Variants in KCND2 observed in about 807,000 individuals in gnomAD.
KCND2 encodes potassium voltage-gated channel subfamily D member 2, also known as A-type voltage-gated potassium channel KCND2.
Under a neutral mutation model 54.4 loss-of-function variants are expected in KCND2, and 16 were observed. That is an observed-to-expected ratio of 0.29 (90% confidence interval 0.20 to 0.45). The LOEUF is 0.45. Ranked by LOEUF, KCND2 falls within the 20% of genes least tolerant of loss-of-function variation. The pLI is 1.00. For missense variants in KCND2, 486 were observed against 824.2 expected (o/e 0.59, Z 5.02); for synonymous variants, 317 against 310.7 (o/e 1.02, Z -0.21).
chr7:120,398,838 G>A (rs1277952425), intron 1 of KCND2, among the ~76,000 whole-genome samples: 1 of 152,060 alleles, frequency 6.6e-6, no homozygotes, highest in Non-Finnish European at 1.5e-5. Flanking sequence ...TAAAGTAGAG[G>A]AGAAACTGGT....
intron 1 of KCND2, among the ~76,000 whole-genome samples, chr7:120,517,895 A>G (rs1310619615): frequency 6.6e-6 from 1 of 152,156 alleles, no homozygotes; most frequent in Non-Finnish European, 1.5e-5. Flanking sequence ...TGAATTTTAC[A>G]CTGGCATGTA....
At chr7:120,583,784 TGG>T (rs36108636) in intron 1 of KCND2, among the ~76,000 whole-genome samples, 5 of 142,684 alleles carry the variant, frequency 3.5e-5, no homozygotes, top group Non-Finnish European at 4.5e-5. Flanking sequence ...ATAGGAATTG[TGG>T]GGGGGGGGAC....
At chr7:120,741,423 G>C in intron 2 of KCND2, 111 bp from the exon 3 acceptor site, 2 of 757,740 alleles carry the variant, frequency 2.6e-6, no homozygotes, top group South Asian at 3.0e-5. Flanking sequence ...TGAAAAGCTG[G>C]CTTACTTTTA....
intron 1 of KCND2, among the ~76,000 whole-genome samples, chr7:120,494,090 G>C (rs1309865205): frequency 6.6e-6 from 1 of 151,994 alleles, no homozygotes; most frequent in Admixed American, 6.6e-5. Flanking sequence ...AATATATTAG[G>C]AAAATATGCA....
Position 120,275,523 on chromosome 7 carries a change from C to T in KCND2, c.891C>T (p.Val297=), listed in dbSNP as rs760415645. 3.7e-6 allele frequency: 6 copies of T among 1,611,452 alleles called. No individual in the cohort carries two copies. The South Asian group carries it at 6.6e-5, about 18-fold the overall frequency. Reference sequence around the variant, plus strand: ...TTGTCACACTCCGAGTCTTCCGGGTCTTCAGGATCTTTAAGTTTTCCCGCC... The same window carrying T: ...TTGTCACACTCCGAGTCTTCCGGGTTTTCAGGATCTTTAAGTTTTCCCGCC... ...GAFVTLRVFR[V]FRIFKFSRHS... Residue 297 remains valine, a synonymous_variant, in exon 1 of 6, where the codon GTC becomes GTT. Coordinates refer to ENST00000331113, the MANE Select transcript of KCND2 (RefSeq NM_012281.3).
intron 1 of KCND2, among the ~76,000 whole-genome samples, chr7:120,488,636 C>T (rs1487065656): frequency 6.6e-6 from 1 of 152,036 alleles, no homozygotes; most frequent in African/African-American, 2.4e-5. Flanking sequence ...TTTTGTGGCC[C>T]CTCACAGGCT....
At chr7:120,410,601 G>A (rs554503126) in intron 1 of KCND2, among the ~76,000 whole-genome samples, 5 of 151,816 alleles carry the variant, frequency 3.3e-5, no homozygotes, top group South Asian at 2.1e-4. Flanking sequence ...CAACGTGCAG[G>A]TTTGTTACAT....
chr7:120,743,335 G>A (rs1205486863), intron 4 of KCND2, among the ~76,000 whole-genome samples: 2 of 152,146 alleles, frequency 1.3e-5, no homozygotes, highest in South Asian at 2.1e-4. Context: ...CAGTTCCAAA[G>A]TATTGCCTGT....
intron 1 of KCND2, among the ~76,000 whole-genome samples, chr7:120,576,955 T>C (rs892764836): frequency 5.3e-5 from 8 of 152,180 alleles, no homozygotes; most frequent in African/African-American, 1.7e-4. Flanking sequence ...AAGATCAGCC[T>C]GGGCAACACA....
chr7:120,288,992 A>AT (rs1273709831), intron 1 of KCND2, among the ~76,000 whole-genome samples: 1 of 151,772 alleles, frequency 6.6e-6, no homozygotes, highest in Admixed American at 6.6e-5. Flanking sequence ...AACAGAGTAT[A>AT]TATGGGGGGA....
intron 1 of KCND2, among the ~76,000 whole-genome samples, chr7:120,325,854 T>G (rs539846850): frequency 5.1e-4 from 77 of 152,174 alleles, no homozygotes; most frequent in African/African-American, 1.6e-3. Context: ...GGGGTCAAAC[T>G]TGGGTCCTAA....
chr7:120,327,367 T>C (rs1345798335), intron 1 of KCND2, among the ~76,000 whole-genome samples: 1 of 152,110 alleles, frequency 6.6e-6, no homozygotes, highest in Non-Finnish European at 1.5e-5. Context: ...TCAGAATGTG[T>C]TTGTAAATGT....
At chr7:120,458,981 ATATTAT>A (rs1220880590) in intron 1 of KCND2, among the ~76,000 whole-genome samples, 1 of 151,336 alleles carries the variant, frequency 6.6e-6, no homozygotes, top group Non-Finnish European at 1.5e-5. Context: ...AGTATCTAAT[ATATTAT>A]TATTATTTTT....
chr7:120,277,612 T>C (rs889959659), intron 1 of KCND2, among the ~76,000 whole-genome samples: 3 of 152,040 alleles, frequency 2.0e-5, no homozygotes, highest in East Asian at 1.9e-4. Context: ...AAAAAGAATG[T>C]TGATGAGAAT....
intron 1 of KCND2, among the ~76,000 whole-genome samples, chr7:120,679,729 T>C (rs1792116022): frequency 6.6e-6 from 1 of 152,132 alleles, no homozygotes; most frequent in African/African-American, 2.4e-5. Flanking sequence ...CACATTCTTT[T>C]TAAAAGCTTC....
At chr7:120,464,699 G>A (rs1314576479) in intron 1 of KCND2, among the ~76,000 whole-genome samples, 1 of 152,172 alleles carries the variant, frequency 6.6e-6, no homozygotes, top group Non-Finnish European at 1.5e-5. Flanking sequence ...TCAAGCTAAT[G>A]ACATAATCTA....
At chr7:120,718,206 CA>C (rs1392621317) in intron 1 of KCND2, among the ~76,000 whole-genome samples, 2 of 152,150 alleles carry the variant, frequency 1.3e-5, no homozygotes, top group African/African-American at 2.4e-5. Context: ...ATACATTTTA[CA>C]GTACCAATGT....
At chr7:120,319,819 A>G (rs1302786791) in intron 1 of KCND2, among the ~76,000 whole-genome samples, 1 of 152,148 alleles carries the variant, frequency 6.6e-6, no homozygotes, top group Non-Finnish European at 1.5e-5. Context: ...AGTAGAAGCC[A>G]TATAATCAAT....
chr7:120,393,458 T>C (rs949183828), intron 1 of KCND2, among the ~76,000 whole-genome samples: 1 of 152,006 alleles, frequency 6.6e-6, no homozygotes, highest in African/African-American at 2.4e-5. Flanking sequence ...ATGCATTCAC[T>C]TCTCATTGTT....
Sources: gnomAD v4.1 joint callset for allele counts (sites outside exome capture counted in the v4.1 genomes callset) on GRCh38, gnomAD v4.1.1 for gene constraint, MANE v1.5 for transcripts, NCBI Gene and HGNC (gene_info 2026-07-23, HGNC 2026-07-21) for gene names.